The following FRYL variants were observed in gnomAD, a reference collection of about 807,000 sequenced individuals.
FRYL encodes protein furry homolog-like.
In FRYL, 150 loss-of-function variants were observed where a neutral mutation model predicts 351.2. That is an observed-to-expected ratio of 0.43 (90% CI 0.37 to 0.49). The LOEUF (loss-of-function observed/expected upper bound fraction) is 0.49. FRYL is among the 20% of genes least tolerant of loss of function. FRYL has a pLI of 0.00. For synonymous variants in FRYL, 1,153 were observed against 1,257.1 expected (o/e 0.92, Z 1.75); for missense variants, 3,036 against 3,619.3 (o/e 0.84, Z 4.13).
At chr4:48,710,201 C>T (rs1367951335) in intron 2 of FRYL, among the ~76,000 whole-genome samples, 3 of 152,158 alleles carry the variant, frequency 2.0e-5, no homozygotes, top group African/African-American at 4.8e-5. Context: ...TATTCTTCAA[C>T]AAATGGGCTG....
chr4:48,757,737 C>A (rs1773944993), intron 1 of FRYL, among the ~76,000 whole-genome samples: 2 of 151,430 alleles, frequency 1.3e-5, no homozygotes, highest in South Asian at 4.2e-4. Context: ...TCGGAAAAAA[C>A]TAAAGTTCAT....
At chr4:48,669,922 T>C (rs1578643449) in intron 3 of FRYL, among the ~76,000 whole-genome samples, 1 of 141,798 alleles carries the variant, frequency 7.1e-6, no homozygotes, top group African/African-American at 3.0e-5. Flanking sequence ...TTACTGTCAA[T>C]TTTTTTTTTA....
intron 12 of FRYL, among the ~76,000 whole-genome samples, chr4:48,602,691 C>T (rs535804164): frequency 2.6e-5 from 4 of 152,136 alleles, no homozygotes; most frequent in East Asian, 1.9e-4. Flanking sequence ...CTCCAAGCTA[C>T]GTAAAAGTTA....
chr4:48,702,455 CAAAAAAAAAAAAAAAAA>C (rs34675617), intron 2 of FRYL, among the ~76,000 whole-genome samples: 71 of 29,444 alleles, frequency 2.4e-3, no homozygotes, highest in South Asian at 8.3e-3. Flanking sequence ...GACTCTGTCT[CAAAAAAAAAAAAAAAAA>C]AAAAAAAAAA....
chr4:48,572,813 A>T (rs1008632407), intron 26 of FRYL, among the ~76,000 whole-genome samples: 1 of 152,166 alleles, frequency 6.6e-6, no homozygotes, highest in Non-Finnish European at 1.5e-5. Flanking sequence ...CAAATTTTTT[A>T]CTGTTTTACT....
chr4:48,692,653 T>A (rs1244955440), intron 2 of FRYL, among the ~76,000 whole-genome samples: 1 of 152,182 alleles, frequency 6.6e-6, no homozygotes, highest in East Asian at 1.9e-4. Context: ...TTGGCCTCCC[T>A]AAGTGCTGGG....
Position 48,581,428 on chromosome 4 carries a change from T to G in FRYL, c.2164A>C (p.Ile722Leu). The change falls in exon 21 of 64, where the codon ATA (isoleucine) becomes CTA (leucine). Residue 722 changes from isoleucine to leucine, a missense_variant. Physicochemically the swap from Ile to Leu is conservative, Grantham distance 5 (BLOSUM62 2). Around this residue, in one of 7 missense-constraint regions of FRYL, gnomAD observed 492 missense variants for 551.5 expected, o/e 0.89. Transcript: ENST00000358350. ...EIRALFALLE[I>L]PKGDDELAID... ...AAATACCTAAATCTTACCTTAGGTA[T>G]TTCCAGAAGTGCAAATAAAGCCCGT... is the stretch of plus-strand genomic sequence containing the variant. 6.2e-7 allele frequency: 1 copy of G among 1,604,364 alleles called. No individual in the cohort carries two copies. Among genetic ancestry groups the G allele is most frequent in the Non-Finnish European group, 8.5e-7 (1 of 1,177,130 alleles).
At chr4:48,760,312 C>T (rs1379418704) in intron 1 of FRYL, among the ~76,000 whole-genome samples, 1 of 151,958 alleles carries the variant, frequency 6.6e-6, no homozygotes, top group Non-Finnish European at 1.5e-5. Flanking sequence ...TATTAATTTT[C>T]ACTTTATATT....
intron 19 of FRYL, 89 bp downstream of exon 19, chr4:48,586,531 CT>C: frequency 1.2e-6 from 1 of 830,100 alleles, no homozygotes; most frequent in South Asian, 1.5e-5. Context: ...TTAACATCGC[CT>C]TTTTAGTGAT....
At chr4:48,564,333 T>C (rs897443632) in intron 30 of FRYL, among the ~76,000 whole-genome samples, 1 of 152,260 alleles carries the variant, frequency 6.6e-6, no homozygotes, top group Non-Finnish European at 1.5e-5. Flanking sequence ...TATGATTTTG[T>C]CTTCCAACAG....
rs749566654 is a variant in FRYL at position 48,522,978 on chromosome 4, T to G, written c.7444A>C (p.Asn2482His). ...GAGGACTCATCTGTATCCTCCTGAT[T>G]GGTGAGGTTCAGGCTGGGGGTGCTA... ...SSSTPSLNLTNQEDTDESSEE... is the reference protein window; with the variant it reads ...SSSTPSLNLTHQEDTDESSEE... Residue 2482 changes from asparagine (N) to histidine (H), a missense_variant, in exon 54 of 64, where the codon AAT (asparagine) becomes CAT (histidine). Transcript: ENST00000358350. 6.2e-7 allele frequency: 1 copy of G among 1,614,026 alleles called. No individual in the cohort carries two copies. Among genetic ancestry groups the G allele is most frequent in the Non-Finnish European group, 8.5e-7 (1 of 1,179,910 alleles).
intron 59 of FRYL, among the ~76,000 whole-genome samples, chr4:48,508,367 T>C (rs1185632101): frequency 1.3e-5 from 2 of 152,232 alleles, no homozygotes; most frequent in East Asian, 1.9e-4. Flanking sequence ...CTTTACCATA[T>C]TGAGTCTTCT....
At chr4:48,732,930 T>TA (rs35830833) in intron 1 of FRYL, among the ~76,000 whole-genome samples, 137,488 of 142,632 alleles carry the variant, frequency 0.96, 66,350 homozygotes, top group Non-Finnish European at 0.99. Context: ...ATAACAATAT[T>TA]AAAAAAAAAA....
chr4:48,704,629 C>T (rs542645617), intron 2 of FRYL, among the ~76,000 whole-genome samples: 18 of 151,858 alleles, frequency 1.2e-4, no homozygotes, highest in African/African-American at 2.7e-4. Flanking sequence ...CTGGCCAACA[C>T]GGCAAAACCC....
chr4:48,677,295 T>C (rs1157336087), intron 3 of FRYL, among the ~76,000 whole-genome samples: 1 of 152,248 alleles, frequency 6.6e-6, no homozygotes, highest in Non-Finnish European at 1.5e-5. Flanking sequence ...TAGATTTCTA[T>C]ATATTCTAAG....
At chr4:48,554,510 CGTAGTTTTAGT>C (rs1466510481) in intron 35 of FRYL, among the ~76,000 whole-genome samples, 1 of 152,020 alleles carries the variant, frequency 6.6e-6, no homozygotes, top group African/African-American at 2.4e-5. Context: ...AGATAATTTT[CGTAGTTTTAGT>C]ACAGATGGGG....
intron 3 of FRYL, among the ~76,000 whole-genome samples, chr4:48,660,112 AG>A (rs1162282120): frequency 6.6e-6 from 1 of 151,888 alleles, no homozygotes; most frequent in East Asian, 1.9e-4. Context: ...GAGAAAGACA[AG>A]GGCTCAAAAA....
At chr4:48,753,986 C>T (rs756609776) in intron 1 of FRYL, among the ~76,000 whole-genome samples, 2 of 152,150 alleles carry the variant, frequency 1.3e-5, no homozygotes, top group Non-Finnish European at 2.9e-5. Flanking sequence ...TATTTGTAAA[C>T]TCTCAATACT....
intron 17 of FRYL, among the ~76,000 whole-genome samples, chr4:48,590,377 G>A (rs1400802985): frequency 6.6e-6 from 1 of 152,078 alleles, no homozygotes; most frequent in African/African-American, 2.4e-5. Context: ...CCAGCGACTT[G>A]GGAGGCTGAG....
Sources: gnomAD v4.1 joint callset for allele counts (sites outside exome capture counted in the v4.1 genomes callset) on GRCh38, gnomAD v4.1.1 for gene constraint, gnomAD v4.1.1 regional missense constraint, MANE v1.5 for transcripts, NCBI Gene and HGNC (gene_info 2026-07-23, HGNC 2026-07-21) for gene names.